Variants in GAREM1 observed in about 807,000 individuals in gnomAD.
The protein encoded by GAREM1 is GRB2 associated regulator of MAPK1 subtype 1, also known as GRB2-associated and regulator of MAPK protein 1.
A neutral mutation model predicts 71.3 loss-of-function variants in GAREM1; 26 were observed. The ratio of observed to expected loss-of-function variants is 0.36; its 90% confidence interval spans 0.27 to 0.51. The LOEUF (loss-of-function observed/expected upper bound fraction) is 0.51. GAREM1 is among the 20% of genes least tolerant of loss of function. GAREM1 has a pLI of 0.95. For missense variants in GAREM1, 1,026 were observed against 1,103.1 expected (o/e 0.93, Z 0.99); for synonymous variants, 440 against 433.2 (o/e 1.02, Z -0.20).
intron 2 of GAREM1, among the ~76,000 whole-genome samples, chr18:32,355,318 G>GTAAT (rs1222345536): frequency 6.6e-6 from 1 of 151,646 alleles, no homozygotes; most frequent in Non-Finnish European, 1.5e-5. Flanking sequence ...GAATAATGAA[G>GTAAT]TAATGCTGCC....
intron 1 of GAREM1, among the ~76,000 whole-genome samples, chr18:32,466,210 C>A (rs2048997614): frequency 6.6e-6 from 1 of 151,364 alleles, no homozygotes; most frequent in Non-Finnish European, 1.5e-5. Context: ...GCAGAGTGAT[C>A]AATAGAATAC....
At chr18:32,369,664 G>C (rs1026990602) in intron 2 of GAREM1, among the ~76,000 whole-genome samples, 1 of 152,070 alleles carries the variant, frequency 6.6e-6, no homozygotes, top group African/African-American at 2.4e-5. Context: ...GGGAGGGAAG[G>C]TCAGGTATCA....
At chr18:32,328,858 T>C (rs563038888) in intron 2 of GAREM1, among the ~76,000 whole-genome samples, 65 of 152,284 alleles carry the variant, frequency 4.3e-4, no homozygotes, top group African/African-American at 1.5e-3. Flanking sequence ...ATGGGAAAAG[T>C]TGACAGGTGA....
chr18:32,426,255 G>A (rs1429317504), intron 1 of GAREM1, among the ~76,000 whole-genome samples: 1 of 152,074 alleles, frequency 6.6e-6, no homozygotes, highest in African/African-American at 2.4e-5. Context: ...TCCTGACCTC[G>A]TGATCCACCC....
chr18:32,306,382 C>T (rs191566974), intron 3 of GAREM1, among the ~76,000 whole-genome samples: 5 of 152,258 alleles, frequency 3.3e-5, no homozygotes, highest in African/African-American at 1.2e-4. Context: ...TGCCTCTCAA[C>T]CTTGGCACTA....
At chr18:32,443,836 A>G (rs1478056747) in intron 1 of GAREM1, among the ~76,000 whole-genome samples, 1 of 152,204 alleles carries the variant, frequency 6.6e-6, no homozygotes, top group Admixed American at 6.6e-5. Flanking sequence ...CATATCAGCA[A>G]TATTCGTAAC....
intron 1 of GAREM1, among the ~76,000 whole-genome samples, chr18:32,432,982 A>G (rs1006600220): frequency 7.9e-5 from 12 of 152,122 alleles, no homozygotes; most frequent in Non-Finnish European, 1.6e-4. Flanking sequence ...AGACAAAAAG[A>G]GTACAGGAAA....
chr18:32,280,675 C>T (rs2041601147), intron 4 of GAREM1, among the ~76,000 whole-genome samples: 1 of 152,162 alleles, frequency 6.6e-6, no homozygotes, highest in Non-Finnish European at 1.5e-5. Context: ...AAAACAGTAC[C>T]TATCTTACCA....
chr18:32,371,649 G>A (rs577608693), intron 2 of GAREM1, among the ~76,000 whole-genome samples: 85 of 152,172 alleles, frequency 5.6e-4, no homozygotes, highest in Admixed American at 1.4e-3. Context: ...TATAGAGAGT[G>A]GAGCTGGACA....
rs539186992 is a variant in GAREM1 at position 32,470,274 on chromosome 18, C to T, written c.121+34G>A. 2.0e-6 allele frequency: 3 copies of T among 1,468,902 alleles called. No individual in the cohort carries two copies. Among genetic ancestry groups the T allele is most frequent in the Admixed American group, 4.4e-5 (2 of 44,970 alleles). 91.0% of individuals were successfully genotyped at this position (1,468,902 alleles called of 1,614,324 possible). ...ACACCCGCGTGGAGACGGCTGTCCT[C>T]GCCCGTCTGCCCCGCGCCCCAGCTG... On this transcript the variant is annotated intron_variant, in intron 1 of 5. Transcript: ENST00000269209. The surrounding 1 kb of genome is among the most constrained non-coding windows in gnomAD (Gnocchi z 4.4).
intron 1 of GAREM1, among the ~76,000 whole-genome samples, chr18:32,422,901 G>C (rs1476086698): frequency 6.6e-6 from 1 of 152,132 alleles, no homozygotes; most frequent in African/African-American, 2.4e-5. Flanking sequence ...TATGTACAAG[G>C]TTCCTGATCA....
chr18:32,366,297 C>G (rs1168423887), intron 2 of GAREM1, among the ~76,000 whole-genome samples: 1 of 152,146 alleles, frequency 6.6e-6, no homozygotes, highest in South Asian at 2.1e-4. Flanking sequence ...TAACAGTAAA[C>G]ACTTAACAGT....
intron 1 of GAREM1, among the ~76,000 whole-genome samples, chr18:32,453,132 G>T (rs775182085): frequency 1.3e-5 from 2 of 151,998 alleles, no homozygotes; most frequent in African/African-American, 4.8e-5. Flanking sequence ...CGTCTTACGC[G>T]GCCGCAGGAA....
At chr18:32,462,008 T>TA (rs1410210559) in intron 1 of GAREM1, among the ~76,000 whole-genome samples, 2 of 152,244 alleles carry the variant, frequency 1.3e-5, no homozygotes, top group African/African-American at 4.8e-5. Flanking sequence ...CTTTAAACTA[T>TA]AATGCAGTTG....
intron 1 of GAREM1, among the ~76,000 whole-genome samples, chr18:32,425,535 G>C (rs2048565981): frequency 6.6e-6 from 1 of 152,128 alleles, no homozygotes. Flanking sequence ...ACAGGGGGTG[G>C]AGACACAAAA....
At chr18:32,469,922 T>A (rs750292001) in intron 1 of GAREM1, among the ~76,000 whole-genome samples, 4 of 152,116 alleles carry the variant, frequency 2.6e-5, no homozygotes, top group Non-Finnish European at 5.9e-5. Context: ...CAAATTAAGA[T>A]GCCACCCGGA....
In GAREM1 at chr18:32,456,932, T is replaced by C. The variant is rs182066618; in HGVS notation, c.121+13376A>G. 2.4e-3 allele frequency among the ~76,000 whole-genome samples: 360 copies of C among 152,248 alleles called. 3 individuals carry two copies. The highest frequency in any genetic ancestry group is 0.01 in the Middle Eastern group (3 of 294). On this transcript the variant is annotated intron_variant, in intron 1 of 5. Transcript: ENST00000269209. ...TAAGCAAGAGGCTGAAAAGTATTTG[T>C]CATATAATCCCATTTTTATGGAACA... is the stretch of plus-strand genomic sequence containing the variant.
rs866487632 is a variant in GAREM1 at position 32,399,290 on chromosome 18, C to T, written c.122-6255G>A. ...ACAGGGATGCCCTCTCTCACCACTC[C>T]TATTCAACACAGTGTTGGAAGTTCT... On this transcript the variant is annotated intron_variant, in intron 1 of 5. Transcript: ENST00000269209. Among the ~76,000 whole-genome samples the T allele has an allele frequency of 9.2e-3, 1,403 of 152,256 alleles. 28 individuals carry two copies. Among genetic ancestry groups the T allele is most frequent in the African/African-American group, 0.032 (1,328 of 41,538 alleles).
intron 1 of GAREM1, among the ~76,000 whole-genome samples, chr18:32,453,032 T>A (rs1389871615): frequency 3.9e-5 from 6 of 152,048 alleles, no homozygotes. Flanking sequence ...TACCCGAGAC[T>A]GGGTAATTTA....
Sources: gnomAD v4.1 joint callset for allele counts (sites outside exome capture counted in the v4.1 genomes callset) on GRCh38, gnomAD v4.1.1 for gene constraint, Gnocchi (gnomAD v3.1) non-coding constraint, MANE v1.5 for transcripts, NCBI Gene and HGNC (gene_info 2026-07-23, HGNC 2026-07-21) for gene names.